Variants in COQ8A observed in about 807,000 individuals in gnomAD.
COQ8A encodes the protein atypical kinase COQ8A, mitochondrial.
A neutral mutation model predicts 65.0 loss-of-function variants in COQ8A; 51 were observed. The observed-to-expected ratio is 0.78, with a 90% CI of 0.63 to 0.99. COQ8A has a LOEUF of 0.99. Ranked by LOEUF, COQ8A falls within the 50% of genes least tolerant of loss-of-function variation. COQ8A has a pLI of 0.00. For missense variants in COQ8A, 940 were observed against 875.0 expected (o/e 1.07, Z -0.94); for synonymous variants, 371 against 353.2 (o/e 1.05, Z -0.57).
At position 226,965,349 on chromosome 1, in the gene COQ8A, A is replaced by C; in HGVS notation, c.527A>C (p.Glu176Ala). 1.2e-6 allele frequency: 2 copies of C among 1,613,214 alleles called. No homozygotes were observed. Among genetic ancestry groups the C allele is most frequent in the Non-Finnish European group, 1.7e-6 (2 of 1,179,888 alleles). Reference sequence around the variant, plus strand: ...TCCCCTGTTGGGGGCCTCACAGCCGAGGACATTGAGAAGGCCCGGCAGGCT... The same window carrying C: ...TCCCCTGTTGGGGGCCTCACAGCCGCGGACATTGAGAAGGCCCGGCAGGCT... The part of the protein sequence containing the change: ...DQSPVGGLTA[E>A]DIEKARQAKA... Residue 176 changes from glutamate to alanine, a missense_variant, in exon 3 of 15, where the codon GAG becomes GCG. By Grantham distance (107) the Glu-to-Ala change is moderately radical (BLOSUM62 -1). Coordinates refer to ENST00000366777, the MANE Select transcript of COQ8A (RefSeq NM_020247.5).
chr1:226,971,998 C>CT (rs1464828770), intron 4 of COQ8A, among the ~76,000 whole-genome samples: 13 of 152,200 alleles, frequency 8.5e-5, no homozygotes, highest in Non-Finnish European at 1.5e-4. Flanking sequence ...CCTCTGTCCC[C>CT]TGTGTCTCCT....
chr1:226,949,274 T>A lies in COQ8A; in HGVS notation c.-10+8875T>A, dbSNP rs932306674. On this transcript the variant is annotated intron_variant, in intron 1 of 14. Coordinates refer to ENST00000366777, the MANE Select transcript of COQ8A (RefSeq NM_020247.5). This position sits in a 1 kb window ranked among gnomAD's most constrained non-coding sequence, Gnocchi z 4.0. ...CAGGAGTTTGGGTTTTATATATATG[T>A]CTACATACATGTCTACAGGTAGAGG... is the stretch of plus-strand genomic sequence containing the variant. Among the ~76,000 whole-genome samples the A allele has an allele frequency of 1.3e-5, 2 of 151,914 alleles. No homozygotes were observed. The highest frequency in any genetic ancestry group is 2.9e-5 in the Non-Finnish European group (2 of 68,010).
chr1:226,980,166 C>T (rs1414619366), intron 5 of COQ8A, among the ~76,000 whole-genome samples: 1 of 152,234 alleles, frequency 6.6e-6, no homozygotes, highest in Non-Finnish European at 1.5e-5. Flanking sequence ...CACCGGCCAC[C>T]CTGGCTGAGC....
chr1:226,981,130 G>A (rs545232894), intron 5 of COQ8A, among the ~76,000 whole-genome samples: 3 of 152,362 alleles, frequency 2.0e-5, no homozygotes, highest in African/African-American at 4.8e-5. Flanking sequence ...GAGGCCCGGC[G>A]ACAAGGGGTG....
intron 4 of COQ8A, among the ~76,000 whole-genome samples, chr1:226,977,106 G>T (rs1659285208): frequency 6.6e-6 from 1 of 152,110 alleles, no homozygotes; most frequent in Non-Finnish European, 1.5e-5. Flanking sequence ...ACCATCCCTG[G>T]TCCGTCTTCC....
chr1:226,986,770 G>C lies in COQ8A; in HGVS notation c.*33G>C, dbSNP rs762516121. The C allele has an allele frequency of 6.2e-7, 1 of 1,602,902 alleles. No individual in the cohort carries two copies. The highest frequency in any genetic ancestry group is 8.5e-7 in the Non-Finnish European group (1 of 1,177,762). On this transcript the variant is annotated 3_prime_UTR_variant, in exon 15 of 15. Transcript: ENST00000366777. ...GGCCACGCCCAGGCCGGCTCCGCGG[G>C]AACTCTCTCCCTCAGACAGGCCAAA...
intron 4 of COQ8A, 72 bp downstream of exon 4, chr1:226,965,809 G>T: frequency 6.5e-7 from 1 of 1,527,222 alleles, no homozygotes. Flanking sequence ...CTGCATGGAG[G>T]TGGGGACCCA....
chr1:226,983,502 C>T (rs777280155), intron 8 of COQ8A, 50 bp from the exon 9 acceptor site: 4 of 1,555,512 alleles, frequency 2.6e-6, no homozygotes, highest in East Asian at 2.2e-5. Context: ...CCAGGCAGGG[C>T]CCACCCGTCT....
chr1:226,969,502 C>G (rs969578835), intron 4 of COQ8A, among the ~76,000 whole-genome samples: 5 of 152,160 alleles, frequency 3.3e-5, no homozygotes, highest in African/African-American at 9.7e-5. Flanking sequence ...TCCTAAAGTG[C>G]TAGGATTACA....
chr1:226,960,289 T>TGGC (rs1356291889), intron 1 of COQ8A, among the ~76,000 whole-genome samples: 6 of 131,926 alleles, frequency 4.5e-5, no homozygotes, highest in East Asian at 2.3e-4. Flanking sequence ...TGGTACTTGG[T>TGGC]GGTGGTACTT....
chr1:226,951,887 A>G (rs1239007898), intron 1 of COQ8A, among the ~76,000 whole-genome samples: 4 of 152,160 alleles, frequency 2.6e-5, no homozygotes, highest in African/African-American at 9.7e-5. Flanking sequence ...TATTGACAAA[A>G]AAGCAAGCAG....
At chr1:226,984,436 G>A in intron 11 of COQ8A, 112 bp from the exon 12 acceptor site, 1 of 1,279,708 alleles carries the variant, frequency 7.8e-7, no homozygotes, top group Non-Finnish European at 1.1e-6. Flanking sequence ...GAATCAAACA[G>A]TCCCTAGGGT....
At chr1:226,966,754 TC>T (rs1415626257) in intron 4 of COQ8A, among the ~76,000 whole-genome samples, 2 of 152,172 alleles carry the variant, frequency 1.3e-5, no homozygotes, top group African/African-American at 4.8e-5. Context: ...GTTCCTCCGC[TC>T]CTGCCTATTC....
At chr1:226,969,057 A>G (rs1658733825) in intron 4 of COQ8A, among the ~76,000 whole-genome samples, 1 of 152,192 alleles carries the variant, frequency 6.6e-6, no homozygotes, top group Admixed American at 6.5e-5. Flanking sequence ...AAATGGGAAT[A>G]TTTTGGTAAA....
At chr1:226,986,030 C>A (rs72760497) in intron 14 of COQ8A, among the ~76,000 whole-genome samples, 1 of 152,204 alleles carries the variant, frequency 6.6e-6, no homozygotes, top group African/African-American at 2.4e-5. Flanking sequence ...CTGCTGGCGG[C>A]GGCTTCCTTA....
chr1:226,946,525 AGT>A lies in COQ8A; in HGVS notation c.-10+6128_-10+6129del, dbSNP rs1657056536. Among the ~76,000 whole-genome samples the A allele has an allele frequency of 6.6e-6, 1 of 151,940 alleles. No homozygotes were observed. Among genetic ancestry groups the A allele is most frequent in the Non-Finnish European group, 1.5e-5 (1 of 67,990 alleles). ...TTGCTGGCCAGGCCAGACCAGGGAG[AGT>A]GGAGATCAGCAAGGAGATGGCCACC... On this transcript the variant is annotated intron_variant, in intron 1 of 14. Coordinates refer to ENST00000366777, the MANE Select transcript of COQ8A (RefSeq NM_020247.5). This position sits in a 1 kb window ranked among gnomAD's most constrained non-coding sequence, Gnocchi z 5.3.
At chr1:226,971,049 T>C (rs2148078176) in intron 4 of COQ8A, among the ~76,000 whole-genome samples, 1 of 152,154 alleles carries the variant, frequency 6.6e-6, no homozygotes, top group East Asian at 2.0e-4. Flanking sequence ...CAGGTGATTC[T>C]CCTGCCTCAG....
chr1:226,970,098 G>T (rs1431132214), intron 4 of COQ8A, among the ~76,000 whole-genome samples: 4 of 152,166 alleles, frequency 2.6e-5, no homozygotes, highest in African/African-American at 9.7e-5. Flanking sequence ...AATTACAGGT[G>T]TGTGCTGCCA....
Position 226,983,680 on chromosome 1 carries a change from A to T in COQ8A, c.1162+47A>T, listed in dbSNP as rs1304481420. On this transcript the variant is annotated intron_variant, in intron 9 of 14. Coordinates refer to ENST00000366777, the MANE Select transcript of COQ8A (RefSeq NM_020247.5). Reference sequence around the variant, plus strand: ...TCAAGGGCAGGAGTGGGTGGCAGGCATCTGTGTTGGGTTCTGGGGACCAGA... The same window carrying T: ...TCAAGGGCAGGAGTGGGTGGCAGGCTTCTGTGTTGGGTTCTGGGGACCAGA... 4 of 1,612,158 alleles carry T rather than the reference A, an allele frequency of 2.5e-6. No homozygotes were observed. The African/African-American group carries it at 5.3e-5, about 22-fold the overall frequency.
Sources: gnomAD v4.1 joint callset for allele counts (sites outside exome capture counted in the v4.1 genomes callset) on GRCh38, gnomAD v4.1.1 for gene constraint, Gnocchi (gnomAD v3.1) non-coding constraint, MANE v1.5 for transcripts, NCBI Gene and HGNC (gene_info 2026-07-23, HGNC 2026-07-21) for gene names.